BAZ1B: variants seen among roughly 807,000 people sequenced by gnomAD.
The protein encoded by BAZ1B is bromodomain adjacent to zinc finger domain 1B, also known as tyrosine-protein kinase BAZ1B.
BAZ1B carries 22 observed loss-of-function variants against 153.8 expected under a neutral mutation model. That is an observed-to-expected ratio of 0.14 (90% CI 0.10 to 0.20). BAZ1B has a LOEUF of 0.20. Ranked by LOEUF, BAZ1B falls within the 10% of genes least tolerant of loss-of-function variation. The probability of loss-of-function intolerance (pLI) is 1.00; values close to 1 mark genes in which losing one functional copy is unlikely to be tolerated. For missense variants in BAZ1B, 1,325 were observed against 1,799.3 expected (o/e 0.74, Z 4.77); for synonymous variants, 676 against 633.4 (o/e 1.07, Z -1.01).
chr7:73,512,334 T>C (rs973465648), intron 1 of BAZ1B, among the ~76,000 whole-genome samples: 5 of 151,714 alleles, frequency 3.3e-5, no homozygotes, highest in Admixed American at 3.3e-4. Context: ...CTGTTTTTAG[T>C]GTTAGTGTAT....
chr7:73,505,853 G>T (rs545345972), intron 3 of BAZ1B, among the ~76,000 whole-genome samples: 1 of 152,276 alleles, frequency 6.6e-6, no homozygotes, highest in African/African-American at 2.4e-5. Context: ...GCCCAGCCAA[G>T]AACGCATTTT....
intron 6 of BAZ1B, among the ~76,000 whole-genome samples, chr7:73,481,045 G>C (rs1789178243): frequency 6.6e-6 from 1 of 152,012 alleles, no homozygotes; most frequent in South Asian, 2.1e-4. Context: ...TCCTGCCTCA[G>C]CCTCCCAAGT....
chr7:73,452,445 C>T (rs913776789), intron 13 of BAZ1B, among the ~76,000 whole-genome samples: 4 of 152,078 alleles, frequency 2.6e-5, no homozygotes, highest in African/African-American at 7.2e-5. Flanking sequence ...CACGTTCGGC[C>T]GGGCGTGGTG....
chr7:73,481,046 C>A (rs1789178338), intron 6 of BAZ1B, among the ~76,000 whole-genome samples: 1 of 152,120 alleles, frequency 6.6e-6, no homozygotes. Flanking sequence ...CCTGCCTCAG[C>A]CTCCCAAGTA....
At chr7:73,510,892 G>C in intron 1 of BAZ1B, 40 bp from the exon 2 acceptor site, 6 of 1,544,882 alleles carry the variant, frequency 3.9e-6, no homozygotes, top group Non-Finnish European at 3.6e-6. Flanking sequence ...GCAAGCAACA[G>C]AGACGACAAA....
chr7:73,478,070 G>C lies in BAZ1B; in HGVS notation c.1391C>G (p.Ser464Cys). ...AGGCAGATGTTTATGAGGTTTACTA[G>C]AGGTCCTAGGTGTACCCCCAGAATT... The part of the protein sequence containing the change: ...PRNSGGTPRT[S>C]SKPHKHLPPA... The change falls in exon 7 of 20, where the codon TCT becomes TGT. Residue 464 changes from serine to cysteine, a missense_variant. Transcript: ENST00000339594. 6.2e-7 allele frequency: 1 copy of C among 1,614,196 alleles called. No homozygotes were observed. Among genetic ancestry groups the C allele is most frequent in the Non-Finnish European group, 8.5e-7 (1 of 1,180,032 alleles).
chr7:73,473,875 G>A (rs1788905038), intron 7 of BAZ1B, among the ~76,000 whole-genome samples: 1 of 152,222 alleles, frequency 6.6e-6, no homozygotes, highest in Admixed American at 6.5e-5. Flanking sequence ...CGAAGTGGGA[G>A]GACCACTTGA....
At chr7:73,486,475 C>T (rs550239667) in intron 6 of BAZ1B, among the ~76,000 whole-genome samples, 17 of 152,122 alleles carry the variant, frequency 1.1e-4, no homozygotes, top group South Asian at 2.1e-4. Flanking sequence ...TACAGGTGCC[C>T]GCCACCACGC....
chr7:73,456,937 CAAAAAAAAAAAAAAAAAAAA>C lies in BAZ1B; in HGVS notation c.3432+2579_3432+2598del, dbSNP rs71071937. Among the ~76,000 whole-genome samples, 161 of 39,572 alleles carry C rather than the reference CAAAAAAAAAAAAAAAAAAAA, an allele frequency of 4.1e-3. 1 individual carries two copies. In the East Asian group the frequency reaches 0.048, roughly 12 times the overall value. 26.0% of individuals were successfully genotyped at this position (39,572 alleles called of 152,430 possible). A position where few individuals can be genotyped will look rare whatever the true frequency, so the allele number is the denominator to read the frequency against. On this transcript the variant is annotated intron_variant, in intron 13 of 19. Coordinates refer to ENST00000339594, the MANE Select transcript of BAZ1B (RefSeq NM_032408.4). ...GGCCTCGGCGACAGAGACTCTGTCT[CAAAAAAAAAAAAAAAAAAAA>C]AAAAAAAAAAAAAAAAAAAAGTATT...
intron 3 of BAZ1B, 126 bp downstream of exon 3, chr7:73,508,201 A>T: frequency 9.4e-7 from 1 of 1,067,324 alleles, no homozygotes; most frequent in Non-Finnish European, 1.3e-6. Context: ...GTAAAGTATT[A>T]ATACTTAACA....
chr7:73,460,229 A>G (rs1788349619), intron 12 of BAZ1B, among the ~76,000 whole-genome samples: 2 of 150,348 alleles, frequency 1.3e-5, no homozygotes, highest in African/African-American at 4.9e-5. Flanking sequence ...GTACTTGACT[A>G]CTTCCCTTTT....
chr7:73,469,734 G>C (rs782369932), intron 8 of BAZ1B, 84 bp from the exon 9 acceptor site: 14 of 1,493,642 alleles, frequency 9.4e-6, no homozygotes, highest in Admixed American at 1.7e-5. Flanking sequence ...ATAATACAGA[G>C]TATCACTGAG....
At chr7:73,469,394 A>G (rs1788712068) in intron 9 of BAZ1B, 123 bp downstream of exon 9, 1 of 1,247,056 alleles carries the variant, frequency 8.0e-7, no homozygotes, top group Non-Finnish European at 1.1e-6. Context: ...CTTCACTCAA[A>G]TAGATCTAAG....
In BAZ1B at chr7:73,466,415, A is replaced by G; in HGVS notation, c.2867-14T>C. The G allele has an allele frequency of 1.9e-6, 3 of 1,584,720 alleles. No individual in the cohort carries two copies. Among genetic ancestry groups the G allele is most frequent in the Non-Finnish European group, 2.6e-6 (3 of 1,153,308 alleles). On this transcript the variant is annotated splice_polypyrimidine_tract_variant and intron_variant, in intron 9 of 19. Coordinates refer to ENST00000339594, the MANE Select transcript of BAZ1B (RefSeq NM_032408.4). ...TTGCTTTCTTACCTAAGAAAAATTGAGACATTAGGTTGACTTTAGTAAATA... is the reference window on the plus strand; with the variant it reads ...TTGCTTTCTTACCTAAGAAAAATTGGGACATTAGGTTGACTTTAGTAAATA...
rs782537789 is a variant in BAZ1B, at chr7:73,447,369, C to T, written c.3739G>A (p.Glu1247Lys). ...RRNSRGRNYT[E>K]ESASEDSEDD... ...TCACTGTCCTCAGAAGCAGACTCTT[C>T]AGTATAGTTCCTGTGGGTAGAAAAA... is the stretch of plus-strand genomic sequence containing the variant. The change falls in exon 16 of 20, where the codon GAA (glutamate) becomes AAA (lysine). Residue 1247 changes from glutamate (E) to lysine (K), a missense_variant. Transcript: ENST00000339594. 19 of 1,612,700 alleles carry T rather than the reference C, an allele frequency of 1.2e-5. 1 individual carries two copies. The South Asian group carries it at 1.8e-4, about 15-fold the overall frequency.
intron 8 of BAZ1B, 104 bp downstream of exon 8, chr7:73,470,241 A>ACTT: frequency 7.9e-7 from 1 of 1,260,948 alleles, no homozygotes; most frequent in Non-Finnish European, 1.1e-6. Context: ...GAATTGGAAA[A>ACTT]CTGAAGAGAG....
At position 73,510,058 on chromosome 7, in the gene BAZ1B, T is replaced by C. The variant is rs782296088; in HGVS notation, c.224+678A>G. ...ACGAGAATCACTTGAACCCAGGAGA[T>C]AGAGGTTACAGTGGGCCGAAATCGT... On this transcript the variant is annotated intron_variant, in intron 2 of 19. Coordinates refer to ENST00000339594, the MANE Select transcript of BAZ1B (RefSeq NM_032408.4). 5.5e-4 allele frequency among the ~76,000 whole-genome samples: 83 copies of C among 150,460 alleles called. 1 individual carries two copies. Among genetic ancestry groups the C allele is most frequent in the East Asian group, 2.0e-4 (1 of 5,026 alleles).
At chr7:73,493,509 CCTAA>C (rs1177077250) in intron 4 of BAZ1B, among the ~76,000 whole-genome samples, 1 of 151,796 alleles carries the variant, frequency 6.6e-6, no homozygotes, top group South Asian at 2.1e-4. Flanking sequence ...AGAAGGAATA[CCTAA>C]CTTAGTCTGG....
At chr7:73,479,851 C>T (rs1470853285) in intron 6 of BAZ1B, among the ~76,000 whole-genome samples, 2 of 152,040 alleles carry the variant, frequency 1.3e-5, no homozygotes, top group African/African-American at 2.4e-5. Flanking sequence ...AGCTGAAACA[C>T]GGCTAAAATA....
Sources: gnomAD v4.1 joint callset for allele counts (sites outside exome capture counted in the v4.1 genomes callset) on GRCh38, gnomAD v4.1.1 for gene constraint, MANE v1.5 for transcripts, NCBI Gene and HGNC (gene_info 2026-07-23, HGNC 2026-07-21) for gene names.